The following CNTN1 variants were observed in gnomAD, a reference collection of about 807,000 sequenced individuals.
The protein encoded by CNTN1 is contactin-1.
CNTN1 carries 38 observed loss-of-function variants against 126.4 expected under a neutral mutation model. That is an observed-to-expected ratio of 0.30 (90% CI 0.23 to 0.39). The LOEUF (loss-of-function observed/expected upper bound fraction) is 0.39. Among genes scored for constraint, CNTN1 ranks in the 10% least tolerant of loss-of-function variants. The pLI is 1.00. For synonymous variants in CNTN1, 413 were observed against 422.6 expected (o/e 0.98, Z 0.28); for missense variants, 1,009 against 1,248.4 (o/e 0.81, Z 2.89).
chr12:41,064,769 CTAGATAGA>C (rs59729389), intron 23 of CNTN1, among the ~76,000 whole-genome samples: 232 of 150,714 alleles, frequency 1.5e-3, no homozygotes, highest in African/African-American at 5.4e-3. Context: ...TGCTACCTCT[CTAGATAGA>C]TAGATAGATA....
chr12:40,768,631 C>T (rs559068677), intron 1 of CNTN1, among the ~76,000 whole-genome samples: 1 of 152,282 alleles, frequency 6.6e-6, no homozygotes, highest in African/African-American at 2.4e-5. Flanking sequence ...ACAGAAAAGC[C>T]TTTAATTCCT....
At chr12:41,022,138 AGAC>A (rs1297856280) in intron 20 of CNTN1, among the ~76,000 whole-genome samples, 2 of 152,192 alleles carry the variant, frequency 1.3e-5, no homozygotes, top group African/African-American at 2.4e-5. Flanking sequence ...AACAAGAAGA[AGAC>A]AAAAGAAATA....
chr12:40,863,541 G>A (rs111296676), intron 1 of CNTN1, among the ~76,000 whole-genome samples: 15 of 152,190 alleles, frequency 9.9e-5, no homozygotes, highest in African/African-American at 3.1e-4. Flanking sequence ...CCTGTAGTAG[G>A]AGTCCCCAGC....
At chr12:40,797,443 A>G (rs1940479434) in intron 1 of CNTN1, among the ~76,000 whole-genome samples, 1 of 151,974 alleles carries the variant, frequency 6.6e-6, no homozygotes, top group Admixed American at 6.6e-5. Flanking sequence ...GCAGAGACAG[A>G]GAGTATGTTA....
At chr12:41,063,185 A>G (rs1949975412) in intron 23 of CNTN1, among the ~76,000 whole-genome samples, 1 of 152,254 alleles carries the variant, frequency 6.6e-6, no homozygotes, top group African/African-American at 2.4e-5. Flanking sequence ...AAGTTCACTG[A>G]AAGTGTTGTC....
chr12:40,717,615 T>G (rs1942081542), intron 1 of CNTN1, among the ~76,000 whole-genome samples: 1 of 152,252 alleles, frequency 6.6e-6, no homozygotes, highest in African/African-American at 2.4e-5. Context: ...ACTTCATTTA[T>G]TTTATTTCAA....
At chr12:41,005,018 A>G (rs1592388878) in intron 17 of CNTN1, 1 of 152,088 alleles carries the variant, frequency 6.6e-6, no homozygotes, top group African/African-American at 2.4e-5. Flanking sequence ...TGGTTGCTTT[A>G]TAGTGTCACT....
intron 17 of CNTN1, among the ~76,000 whole-genome samples, chr12:40,994,978 C>T (rs1455180895): frequency 6.6e-6 from 1 of 151,956 alleles, no homozygotes; most frequent in Non-Finnish European, 1.5e-5. Context: ...CTTAGATAAA[C>T]TATTTAGTGT....
chr12:41,056,812 G>C (rs1436756740), intron 23 of CNTN1, among the ~76,000 whole-genome samples: 2 of 149,474 alleles, frequency 1.3e-5, no homozygotes, highest in South Asian at 2.1e-4. Context: ...CAATTATATA[G>C]TCCAATTAAA....
chr12:40,895,021 CT>C (rs1198030285), intron 1 of CNTN1, among the ~76,000 whole-genome samples: 1 of 152,044 alleles, frequency 6.6e-6, no homozygotes, highest in Non-Finnish European at 1.5e-5. Context: ...AAAGTCTGGC[CT>C]CAAGGTAATT....
At chr12:40,925,848 A>G (rs199545219) in intron 6 of CNTN1, among the ~76,000 whole-genome samples, 591 of 42,424 alleles carry the variant, frequency 0.014, 9 homozygotes, top group African/African-American at 0.057. Context: ...GTGTGTGTAT[A>G]TATATATATA....
At chr12:40,714,140 A>G (rs1941992100) in intron 1 of CNTN1, among the ~76,000 whole-genome samples, 2 of 152,146 alleles carry the variant, frequency 1.3e-5, no homozygotes, top group African/African-American at 4.8e-5. Context: ...AATTTGACTT[A>G]GCATCTTGTC....
intron 23 of CNTN1, among the ~76,000 whole-genome samples, chr12:41,063,067 CCTTTCTGT>C (rs1949971426): frequency 6.6e-6 from 1 of 152,186 alleles, no homozygotes; most frequent in Admixed American, 6.5e-5. Context: ...TCACACCAGG[CCTTTCTGT>C]ACAAATAAAT....
chr12:41,064,899 C>T (rs1433595547), intron 23 of CNTN1, among the ~76,000 whole-genome samples: 1 of 151,772 alleles, frequency 6.6e-6, no homozygotes, highest in Non-Finnish European at 1.5e-5. Flanking sequence ...AGAACATGCT[C>T]AAGATTACCC....
rs556879793 is a variant in CNTN1 at position 40,800,636 on chromosome 12, A to T, written c.-76-107721A>T. Among the ~76,000 whole-genome samples the T allele has an allele frequency of 1.1e-4, 17 of 152,126 alleles. 1 individual carries two copies. The South Asian group carries it at 1.5e-3, about 13-fold the overall frequency. On this transcript the variant is annotated intron_variant, in intron 1 of 23. Coordinates refer to ENST00000551295, the MANE Select transcript of CNTN1 (RefSeq NM_001843.4). ...CATTGAGAGTACAGACATAGATCAT[A>T]CCCTGGAAACAAAAAGTTAGAAAGG... is the stretch of plus-strand genomic sequence containing the variant.
rs1340175324 is a variant in CNTN1 at position 40,733,391 on chromosome 12, A to G, written c.-77+40799A>G. Among the ~76,000 whole-genome samples, 3 of 151,868 alleles carry G rather than the reference A, an allele frequency of 2.0e-5. No homozygotes were observed. The Admixed American group carries it at 2.0e-4, about 10-fold the overall frequency. ...CAGATTTTTTTTCATAAATTAAAAT[A>G]TATTCAGTGGCAAAATTTGACAGCA... On this transcript the variant is annotated intron_variant, in intron 1 of 23. Transcript: ENST00000551295.
chr12:41,029,170 C>T lies in CNTN1; in HGVS notation c.2931C>T (p.Arg977=), dbSNP rs139461180. The T allele has an allele frequency of 7.4e-5, 119 of 1,613,932 alleles. No individual in the cohort carries two copies. Among genetic ancestry groups the T allele is most frequent in the Non-Finnish European group, 8.1e-5 (96 of 1,180,010 alleles). The change falls in exon 23 of 24, where the codon CGC becomes CGT. Residue 977 remains arginine, a synonymous_variant. Transcript: ENST00000551295. ...ATGGAGAATACGTTGTGGAGGTTCG[C>T]GCGCACAGTGATGGAGGAGATGGAG... is the stretch of plus-strand genomic sequence containing the variant. The part of the protein sequence containing the change: ...PRDGEYVVEV[R]AHSDGGDGVV...
intron 1 of CNTN1, among the ~76,000 whole-genome samples, chr12:40,836,014 A>ATG (rs1942038362): frequency 1.3e-5 from 2 of 150,302 alleles, no homozygotes; most frequent in Non-Finnish European, 3.0e-5. Flanking sequence ...GTGTGTATAT[A>ATG]TGTATGCATA....
intron 17 of CNTN1, among the ~76,000 whole-genome samples, chr12:41,010,984 C>T (rs1180041079): frequency 6.6e-6 from 1 of 152,118 alleles, no homozygotes; most frequent in Non-Finnish European, 1.5e-5. Context: ...TTGTTCATCG[C>T]CAGAATTTTC....
Sources: allele counts gnomAD v4.1 joint callset (sites outside exome capture counted in the v4.1 genomes callset), GRCh38; gene constraint gnomAD v4.1.1; transcripts MANE v1.5; gene names NCBI Gene and HGNC (gene_info 2026-07-23, HGNC 2026-07-21).